Variants in TSGA10 observed in about 807,000 individuals in gnomAD.
TSGA10 encodes the protein testis specific 10, also known as testis-specific gene 10 protein.
A neutral mutation model predicts 96.6 loss-of-function variants in TSGA10; 43 were observed. That is an observed-to-expected ratio of 0.44 (90% CI 0.35 to 0.57). The LOEUF is 0.57. Ranked by LOEUF, TSGA10 falls within the 20% of genes least tolerant of loss-of-function variation. The pLI is 0.01. For missense variants in TSGA10, 703 were observed against 834.4 expected (o/e 0.84, Z 1.94); for synonymous variants, 229 against 269.9 (o/e 0.85, Z 1.48).
intron 14 of TSGA10, among the ~76,000 whole-genome samples, chr2:99,071,242 C>T (rs947545266): frequency 6.6e-6 from 1 of 152,038 alleles, no homozygotes. Context: ...GCAGATTAGA[C>T]TTAAATATAT....
At chr2:99,150,052 A>G (rs571991570) in intron 1 of TSGA10, among the ~76,000 whole-genome samples, 1 of 152,132 alleles carries the variant, frequency 6.6e-6, no homozygotes, top group African/African-American at 2.4e-5. Flanking sequence ...CTCGGCCCCC[A>G]AAGTGCTGGG....
Position 99,065,035 on chromosome 2 carries a change from T to C in TSGA10, c.1308A>G (p.Ala436=). 6.2e-7 allele frequency: 1 copy of C among 1,614,084 alleles called. No individual in the cohort carries two copies. Among genetic ancestry groups the C allele is most frequent in the Non-Finnish European group, 8.5e-7 (1 of 1,179,968 alleles). The change falls in exon 16 of 21, where the codon GCA becomes GCG. Residue 436 remains alanine, a synonymous_variant. Coordinates refer to ENST00000393483, the MANE Select transcript of TSGA10 (RefSeq NM_025244.4). ...GTTCCAGTTTGAGGGTATTGTTATC[T>C]GCCTCTGATTGACGGGCTTTATTTT... The part of the protein sequence containing the change: ...NWENKARQSE[A]DNNTLKLELI...
chr2:99,097,102 T>C (rs773438002), intron 10 of TSGA10, among the ~76,000 whole-genome samples: 24 of 152,066 alleles, frequency 1.6e-4, no homozygotes, highest in Non-Finnish European at 2.8e-4. Context: ...AAGGAAACTA[T>C]CTGGAGGGAA....
At chr2:99,052,411 G>GA (rs148564479) in intron 16 of TSGA10, among the ~76,000 whole-genome samples, 2 of 151,848 alleles carry the variant, frequency 1.3e-5, no homozygotes, top group African/African-American at 2.4e-5. Flanking sequence ...ATTGAATCAT[G>GA]AAAAAAAATT....
At chr2:99,025,149 A>G (rs2080448115) in intron 17 of TSGA10, among the ~76,000 whole-genome samples, 1 of 152,210 alleles carries the variant, frequency 6.6e-6, no homozygotes, top group South Asian at 2.1e-4. Context: ...ATGGCTTCAT[A>G]GAATGCATTA....
chr2:99,060,301 T>C (rs556712995), intron 16 of TSGA10, among the ~76,000 whole-genome samples: 1 of 152,258 alleles, frequency 6.6e-6, no homozygotes, highest in South Asian at 2.1e-4. Context: ...AATATCATTT[T>C]TACAATGGCA....
At chr2:99,042,039 C>CCTTTTTTTTTTTTTTTT (rs1558816084) in intron 16 of TSGA10, among the ~76,000 whole-genome samples, 2 of 140,110 alleles carry the variant, frequency 1.4e-5, no homozygotes. Flanking sequence ...TGCCCCCCCA[C>CCTTTTTTTTTTTTTTTT]ATTTTTTTTT....
At chr2:99,083,226 TG>T (rs1231041121) in intron 10 of TSGA10, among the ~76,000 whole-genome samples, 2 of 151,990 alleles carry the variant, frequency 1.3e-5, no homozygotes, top group African/African-American at 4.8e-5. Context: ...CAATTATAAA[TG>T]GGGGAGGATA....
rs902109456 is a variant in TSGA10, at chr2:99,108,704, A to T, written c.210+129T>A. The stretch of plus-strand genomic sequence containing the variant: ...ATTTCATTAAGAATATCTTAAAAAC[A>T]TATGTAATCCCCAAATGTTAGATTA... On this transcript the variant is annotated intron_variant, in intron 7 of 20. Coordinates refer to ENST00000393483, the MANE Select transcript of TSGA10 (RefSeq NM_025244.4). 1.8e-5 allele frequency: 11 copies of T among 623,506 alleles called. No individual in the cohort carries two copies. The East Asian group carries it at 3.4e-4, about 19-fold the overall frequency. 38.6% of individuals were successfully genotyped at this position (623,506 alleles called of 1,614,324 possible).
intron 2 of TSGA10, among the ~76,000 whole-genome samples, chr2:99,121,334 T>C (rs1476148840): frequency 9.6e-6 from 1 of 103,640 alleles, no homozygotes. Flanking sequence ...CATTTGGTAT[T>C]GTCACTATTT....
intron 10 of TSGA10, among the ~76,000 whole-genome samples, chr2:99,098,006 C>G (rs2090255708): frequency 6.6e-6 from 1 of 151,750 alleles, no homozygotes; most frequent in Admixed American, 6.6e-5. Context: ...AACATACCAT[C>G]AAAATATATA....
rs1024697827 is a variant in TSGA10 at position 99,071,742 on chromosome 2, G to A, written c.1071C>T (p.Leu357=). 7 of 1,613,786 alleles carry A rather than the reference G, an allele frequency of 4.3e-6. No individual in the cohort carries two copies. Among genetic ancestry groups the A allele is most frequent in the Admixed American group, 1.7e-5 (1 of 59,988 alleles). ...RDILAHDNDN[L]QEQFAKAKQE... Reference sequence around the variant, plus strand: ...GTTTAGCTTTAGCAAACTGTTCCTGGAGATTGTCATTGTCATGAGCCAAGA... The same window carrying A: ...GTTTAGCTTTAGCAAACTGTTCCTGAAGATTGTCATTGTCATGAGCCAAGA... Residue 357 remains leucine (L), a synonymous_variant, in exon 14 of 21, where the codon CTC becomes CTT. Transcript: ENST00000393483.
chr2:99,037,219 T>C (rs1335128974), intron 16 of TSGA10, among the ~76,000 whole-genome samples: 1 of 152,168 alleles, frequency 6.6e-6, no homozygotes, highest in Non-Finnish European at 1.5e-5. Context: ...ACATGCAACA[T>C]TCACTAAGAC....
chr2:99,060,888 C>A (rs2084616759), intron 16 of TSGA10, among the ~76,000 whole-genome samples: 1 of 152,178 alleles, frequency 6.6e-6, no homozygotes, highest in Non-Finnish European at 1.5e-5. Context: ...AAAAAATGAA[C>A]CTTGACCCTT....
At chr2:99,022,356 C>T (rs1373086528) in intron 17 of TSGA10, among the ~76,000 whole-genome samples, 1 of 146,952 alleles carries the variant, frequency 6.8e-6, no homozygotes, top group African/African-American at 2.5e-5. Context: ...AAAAAAACAC[C>T]CAACACAGAA....
intron 12 of TSGA10, among the ~76,000 whole-genome samples, chr2:99,078,243 C>G (rs1228082810): frequency 6.9e-6 from 1 of 145,944 alleles, no homozygotes; most frequent in African/African-American, 2.6e-5. Flanking sequence ...TGCACTCCAG[C>G]CTGGGCAAGG....
At chr2:99,136,576 T>C (rs2093335502) in intron 1 of TSGA10, among the ~76,000 whole-genome samples, 1 of 27,562 alleles carries the variant, frequency 3.6e-5, no homozygotes, top group African/African-American at 7.5e-5. Flanking sequence ...GGCGGGCGGA[T>C]CACGAGGTCA....
At chr2:99,141,939 T>G (rs955398001) in intron 1 of TSGA10, 1 of 152,376 alleles carries the variant, frequency 6.6e-6, no homozygotes, top group Non-Finnish European at 1.5e-5. Flanking sequence ...CCTGTCCCGG[T>G]GAGCGTGGGC....
At chr2:99,129,833 T>A (rs1285031661) in intron 1 of TSGA10, among the ~76,000 whole-genome samples, 1 of 152,202 alleles carries the variant, frequency 6.6e-6, no homozygotes, top group African/African-American at 2.4e-5. Context: ...TTCCCCTCCC[T>A]GTGTCCATGA....
Sources: gnomAD v4.1 joint callset for allele counts (sites outside exome capture counted in the v4.1 genomes callset) on GRCh38, gnomAD v4.1.1 for gene constraint, MANE v1.5 for transcripts, NCBI Gene and HGNC (gene_info 2026-07-23, HGNC 2026-07-21) for gene names.